CFAP77: variants seen among roughly 807,000 people sequenced by gnomAD.
CFAP77 encodes the protein cilia- and flagella-associated protein 77.
A neutral mutation model predicts 31.1 loss-of-function variants in CFAP77; 25 were observed. That is an observed-to-expected ratio of 0.80 (90% CI 0.59 to 1.12). CFAP77 has a LOEUF of 1.12. Among genes scored for constraint, CFAP77 ranks in the 50% most tolerant of loss-of-function variants. The pLI is 0.00. For synonymous variants in CFAP77, 151 were observed against 159.9 expected, an observed-to-expected ratio of 0.94 and a Z score of 0.42; for missense variants, 377 against 397.3, an observed-to-expected ratio of 0.95 and a Z score of 0.44.
In CFAP77 at chr9:132,511,126, G is replaced by A. The variant is rs930009176; in HGVS notation, c.524+11526G>A. ...AATAAAACACAAAACAAACCAATAT[G>A]CAATCAGCAGGTATAACAGCAAGGC... On this transcript the variant is annotated intron_variant, in intron 3 of 5. Coordinates refer to ENST00000393216, the MANE Select transcript of CFAP77 (RefSeq NM_001282957.2). The surrounding 1 kb of genome is among the most constrained non-coding windows in gnomAD (Gnocchi z 5.8). Among the ~76,000 whole-genome samples, 1 of 152,146 alleles carries A rather than the reference G, an allele frequency of 6.6e-6. No individual in the cohort carries two copies. The highest frequency in any genetic ancestry group is 1.5e-5 in the Non-Finnish European group (1 of 68,026).
intron 3 of CFAP77, among the ~76,000 whole-genome samples, chr9:132,503,866 T>A (rs1851892619): frequency 6.6e-6 from 1 of 152,146 alleles, no homozygotes; most frequent in African/African-American, 2.4e-5. Context: ...CTGGCCAATA[T>A]GGTGAAACCT....
chr9:132,437,792 T>A (rs1274849781), intron 1 of CFAP77, among the ~76,000 whole-genome samples: 1 of 151,286 alleles, frequency 6.6e-6, no homozygotes, highest in Non-Finnish European at 1.5e-5. Flanking sequence ...ATTACAGGTG[T>A]GAGCCACCGC....
chr9:132,421,000 G>C (rs1391964238), intron 1 of CFAP77, among the ~76,000 whole-genome samples: 1 of 120,000 alleles, frequency 8.3e-6, no homozygotes, highest in South Asian at 2.9e-4. Context: ...CTTGGCTTGT[G>C]TCTTTTTTTT....
intron 3 of CFAP77, among the ~76,000 whole-genome samples, chr9:132,518,360 C>T (rs554744280): frequency 1.3e-5 from 2 of 152,296 alleles, no homozygotes; most frequent in South Asian, 4.1e-4. Flanking sequence ...TCAGACCCGC[C>T]TTGGAGCCGC....
intron 1 of CFAP77, among the ~76,000 whole-genome samples, chr9:132,486,209 C>G (rs1392915763): frequency 6.8e-6 from 1 of 147,262 alleles, no homozygotes; most frequent in Non-Finnish European, 1.5e-5. Flanking sequence ...TCTCCTGCCT[C>G]AGCCTCCCGA....
chr9:132,541,919 G>A (rs1248445466), intron 4 of CFAP77, among the ~76,000 whole-genome samples: 4 of 152,208 alleles, frequency 2.6e-5, no homozygotes, highest in South Asian at 4.1e-4. Flanking sequence ...ACTGGGCCCC[G>A]CCCTTGGAAG....
chr9:132,449,007 C>G (rs1417977214), intron 1 of CFAP77, among the ~76,000 whole-genome samples: 2 of 152,132 alleles, frequency 1.3e-5, no homozygotes, highest in Non-Finnish European at 2.9e-5. Context: ...ATGGGAAAAG[C>G]CCAACAACTG....
intron 5 of CFAP77, among the ~76,000 whole-genome samples, chr9:132,568,950 T>C (rs942077842): frequency 6.6e-6 from 1 of 152,202 alleles, no homozygotes. Context: ...TCCACCTACC[T>C]TGGCCTCCGA....
intron 1 of CFAP77, among the ~76,000 whole-genome samples, chr9:132,473,299 C>A (rs1422525625): frequency 6.6e-6 from 1 of 152,194 alleles, no homozygotes; most frequent in Non-Finnish European, 1.5e-5. Context: ...ACTATAGCAA[C>A]CCGCAAAGTG....
At chr9:132,465,885 C>T (rs1041280962) in intron 1 of CFAP77, among the ~76,000 whole-genome samples, 4 of 152,084 alleles carry the variant, frequency 2.6e-5, no homozygotes, top group Non-Finnish European at 4.4e-5. Context: ...AAAAACTTAC[C>T]GGAGGCAAGT....
intron 1 of CFAP77, among the ~76,000 whole-genome samples, chr9:132,411,167 T>C (rs924727006): frequency 6.6e-6 from 1 of 152,128 alleles, no homozygotes; most frequent in Admixed American, 6.5e-5. Flanking sequence ...GGCCACACCT[T>C]CCCGGGGGCC....
chr9:132,463,704 T>C (rs868543147), intron 1 of CFAP77, among the ~76,000 whole-genome samples: 4 of 152,128 alleles, frequency 2.6e-5, no homozygotes, highest in Non-Finnish European at 5.9e-5. Context: ...GTGACCCCAG[T>C]GGGCACCGTC....
In CFAP77 at chr9:132,539,273, C is replaced by T. The variant is rs764164054; in HGVS notation, c.630+1567C>T. On this transcript the variant is annotated intron_variant, in intron 4 of 5. Coordinates refer to ENST00000393216, the MANE Select transcript of CFAP77 (RefSeq NM_001282957.2). The surrounding 1 kb of genome is among the most constrained non-coding windows in gnomAD (Gnocchi z 4.3). ...AGACTTCATCAAGGCGTGGCTCCGG[C>T]GTGGCTAGTTGTCATGACAATCACA... is the stretch of plus-strand genomic sequence containing the variant. Among the ~76,000 whole-genome samples, 3 of 152,086 alleles carry T rather than the reference C, an allele frequency of 2.0e-5. No individual in the cohort carries two copies. Among genetic ancestry groups the T allele is most frequent in the African/African-American group, 7.2e-5 (3 of 41,404 alleles).
chr9:132,503,909 C>T (rs553928908), intron 3 of CFAP77, among the ~76,000 whole-genome samples: 24 of 151,976 alleles, frequency 1.6e-4, no homozygotes, highest in Non-Finnish European at 3.1e-4. Context: ...ATGAGTCGGG[C>T]GTGGTGGCAT....
intron 3 of CFAP77, among the ~76,000 whole-genome samples, chr9:132,506,109 G>A (rs975953263): frequency 1.3e-5 from 2 of 152,240 alleles, no homozygotes; most frequent in Non-Finnish European, 2.9e-5. Context: ...CAGTCTGGCA[G>A]CTGGCTTTGA....
chr9:132,471,747 C>T (rs1851263371), intron 1 of CFAP77, among the ~76,000 whole-genome samples: 1 of 152,092 alleles, frequency 6.6e-6, no homozygotes, highest in Non-Finnish European at 1.5e-5. Context: ...GTTGCCCAAG[C>T]TGGAGTGCAT....
intron 1 of CFAP77, among the ~76,000 whole-genome samples, chr9:132,431,515 C>G (rs150374576): frequency 6.6e-6 from 1 of 152,022 alleles, no homozygotes; most frequent in Non-Finnish European, 1.5e-5. Context: ...AATATGTTCT[C>G]GATGAATGAA....
intron 1 of CFAP77, among the ~76,000 whole-genome samples, chr9:132,434,054 G>A (rs1307256097): frequency 1.3e-5 from 2 of 151,756 alleles, no homozygotes; most frequent in African/African-American, 4.8e-5. Flanking sequence ...TGGGAGGATC[G>A]CTTGAGCCAA....
chr9:132,513,800 C>T (rs927507393), intron 3 of CFAP77, among the ~76,000 whole-genome samples: 1 of 152,214 alleles, frequency 6.6e-6, no homozygotes, highest in Non-Finnish European at 1.5e-5. Flanking sequence ...GGAATGAGAC[C>T]TCCTCTGCCT....
Sources: gnomAD v4.1 joint callset for allele counts (sites outside exome capture counted in the v4.1 genomes callset) on GRCh38, gnomAD v4.1.1 for gene constraint, Gnocchi (gnomAD v3.1) non-coding constraint, MANE v1.5 for transcripts, NCBI Gene and HGNC (gene_info 2026-07-23, HGNC 2026-07-21) for gene names.